Variants in MAP1B observed in about 807,000 individuals in gnomAD.
MAP1B encodes microtubule-associated protein 1B.
In MAP1B, 12 loss-of-function variants were observed where a neutral mutation model predicts 176.1. That is an observed-to-expected ratio of 0.07 (90% CI 0.04 to 0.11). The LOEUF is 0.11. Ranked by LOEUF, MAP1B falls within the 10% of genes least tolerant of loss-of-function variation. The pLI is 1.00. For synonymous variants in MAP1B, 1,044 were observed against 1,135.0 expected (o/e 0.92, Z 1.61); for missense variants, 2,523 against 2,990.5 (o/e 0.84, Z 3.65).
At position 72,200,416 on chromosome 5, in the gene MAP1B, T is replaced by TG. The variant is rs762165640; in HGVS notation, c.7012+50dup. ...GGATATATGTCACAACCATTCTACTTGCGTTTACAGCCTTTATATTTCCCT... is the reference window on the plus strand; with the variant it reads ...GGATATATGTCACAACCATTCTACTTGGCGTTTACAGCCTTTATATTTCCCT... On this transcript the variant is annotated intron_variant, in intron 5 of 6. Coordinates refer to ENST00000296755, the MANE Select transcript of MAP1B (RefSeq NM_005909.5). 8.2e-6 allele frequency: 13 copies of TG among 1,576,072 alleles called. No homozygotes were observed. In the African/African-American group the frequency reaches 1.8e-4, roughly 21 times the overall value.
chr5:72,183,392 T>C (rs114232159), intron 2 of MAP1B, among the ~76,000 whole-genome samples: 30 of 152,184 alleles, frequency 2.0e-4, no homozygotes, highest in African/African-American at 7.2e-4. Flanking sequence ...CCAATTACCA[T>C]GAGAAAGGAA....
intron 2 of MAP1B, among the ~76,000 whole-genome samples, chr5:72,140,865 T>G (rs1329720352): frequency 6.6e-6 from 1 of 152,200 alleles, no homozygotes; most frequent in African/African-American, 2.4e-5. Context: ...TTTTTCTTTT[T>G]TTGTCTGAAT....
intron 2 of MAP1B, among the ~76,000 whole-genome samples, chr5:72,146,841 T>C (rs536620142): frequency 1.9e-4 from 29 of 152,278 alleles, no homozygotes; most frequent in African/African-American, 5.8e-4. Context: ...TTTTGACACA[T>C]AGCATCAGCC....
chr5:72,185,127 G>A (rs1746866173), intron 3 of MAP1B, among the ~76,000 whole-genome samples: 1 of 152,212 alleles, frequency 6.6e-6, no homozygotes, highest in Non-Finnish European at 1.5e-5. Context: ...CGTAGCATGT[G>A]TCAGTACTGC....
chr5:72,158,430 G>C (rs1473954949), intron 2 of MAP1B, among the ~76,000 whole-genome samples: 9 of 152,162 alleles, frequency 5.9e-5, no homozygotes, highest in Admixed American at 4.6e-4. Flanking sequence ...AACGATTTAG[G>C]TGATTAAAGC....
rs1190457766 is a variant in MAP1B at position 72,209,350 on chromosome 5, G to T, written c.*4111G>T. 2 of 152,164 alleles carry T rather than the reference G, an allele frequency of 1.3e-5. No individual in the cohort carries two copies. Among genetic ancestry groups the T allele is most frequent in the African/African-American group, 4.8e-5 (2 of 41,414 alleles). The allele number at this position is 152,164 out of a possible 1,614,324, so 9.4% of individuals were successfully genotyped here. ...CTCTCTCTTGTTCTGAATGGTGTTT[G>T]TGTCAGTCTGCAGCTGTGTATGGTA... is the stretch of plus-strand genomic sequence containing the variant. On this transcript the variant is annotated 3_prime_UTR_variant, in exon 7 of 7. Transcript: ENST00000296755.
In MAP1B at chr5:72,195,131, G is replaced by C; in HGVS notation, c.1776G>C (p.Lys592Asn). 6.2e-7 allele frequency: 1 copy of C among 1,613,736 alleles called. No individual in the cohort carries two copies. Among genetic ancestry groups the C allele is most frequent in the Non-Finnish European group, 8.5e-7 (1 of 1,179,794 alleles). The change falls in exon 5 of 7, where the codon AAG (lysine) becomes AAC (asparagine). Residue 592 changes from lysine to asparagine, a missense_variant. Coordinates refer to ENST00000296755, the MANE Select transcript of MAP1B (RefSeq NM_005909.5). ...SKEKVMVKKD[K>N]PIKTETKPSV... ...AAAAGGTAATGGTGAAAAAAGACAAGCCAATAAAAACAGAGACCAAACCTT... is the reference window on the plus strand; with the variant it reads ...AAAAGGTAATGGTGAAAAAAGACAACCCAATAAAAACAGAGACCAAACCTT...
intron 1 of MAP1B, among the ~76,000 whole-genome samples, chr5:72,108,716 G>A (rs1745208328): frequency 6.6e-6 from 1 of 152,092 alleles, no homozygotes. Context: ...CGTCGGGCAC[G>A]GCTGGCTGGG....
In MAP1B at chr5:72,207,032, A is replaced by T. The variant is rs1405064806; in HGVS notation, c.*1793A>T. Reference sequence around the variant, plus strand: ...TTGGGATTTTCTTTTCTGGAAAAAAAAAATAAAAGAAATAGTACATTGAAA... The same window carrying T: ...TTGGGATTTTCTTTTCTGGAAAAAATAAATAAAAGAAATAGTACATTGAAA... On this transcript the variant is annotated 3_prime_UTR_variant, in exon 7 of 7. Coordinates refer to ENST00000296755, the MANE Select transcript of MAP1B (RefSeq NM_005909.5). The T allele has an allele frequency of 6.6e-6, 1 of 152,220 alleles. No individual in the cohort carries two copies. The highest frequency in any genetic ancestry group is 2.4e-5 in the African/African-American group (1 of 41,464). The allele number at this position is 152,220 out of a possible 1,614,324, so 9.4% of individuals were successfully genotyped here. A position where few individuals can be genotyped will look rare whatever the true frequency, so the allele number is the denominator to read the frequency against.
chr5:72,112,613 G>T lies in MAP1B; in HGVS notation c.185-3085G>T, dbSNP rs1421143179. ...TGGGGTCAGAGAACTGAGAAGGAAA[G>T]ATCTTTTGTTGCTCCCTGGTCCCAA... On this transcript the variant is annotated intron_variant, in intron 1 of 6. Transcript: ENST00000296755. Among the ~76,000 whole-genome samples, 3 of 152,214 alleles carry T rather than the reference G, an allele frequency of 2.0e-5. No individual in the cohort carries two copies. The East Asian group carries it at 5.8e-4, about 29-fold the overall frequency.
intron 2 of MAP1B, among the ~76,000 whole-genome samples, chr5:72,155,766 C>CTTTTTTTTTTTTTT (rs11330287): frequency 7.9e-6 from 1 of 126,570 alleles, no homozygotes; most frequent in Admixed American, 8.4e-5. Context: ...ATTTTCTTTT[C>CTTTTTTTTTTTTTT]TTTTTTTTTT....
chr5:72,181,153 T>G (rs1746755457), intron 2 of MAP1B, among the ~76,000 whole-genome samples: 1 of 152,234 alleles, frequency 6.6e-6, no homozygotes, highest in Admixed American at 6.5e-5. Flanking sequence ...ATCATTGTTC[T>G]GTTTAGGCTT....
intron 2 of MAP1B, among the ~76,000 whole-genome samples, chr5:72,160,757 C>G (rs1364123561): frequency 6.6e-6 from 1 of 152,200 alleles, no homozygotes; most frequent in African/African-American, 2.4e-5. Context: ...CTCCCACCCT[C>G]TCCACCTCAG....
rs767578125 is a variant in MAP1B, at chr5:72,198,766, C to T, written c.5411C>T (p.Thr1804Ile). The T allele has an allele frequency of 1.2e-6, 2 of 1,614,038 alleles. No homozygotes were observed. The highest frequency in any genetic ancestry group is 1.7e-5 in the Admixed American group (1 of 60,002). ...PLYSPTFSDS[T>I]SAVKEKTATC... ...TATTCACCTACTTTTTCAGATTCTA[C>T]CTCTGCAGTCAAAGAGAAAACAGCA... The change falls in exon 5 of 7, where the codon ACC (threonine) becomes ATC (isoleucine). Residue 1804 changes from threonine to isoleucine, a missense_variant. This residue lies in a region of MAP1B where 1,925 missense variants were observed against 2,126.0 expected (regional missense o/e 0.91). Transcript: ENST00000296755.
chr5:72,177,884 G>A (rs1290147643), intron 2 of MAP1B, among the ~76,000 whole-genome samples: 1 of 152,178 alleles, frequency 6.6e-6, no homozygotes, highest in East Asian at 1.9e-4. Context: ...AAGAGGTTGA[G>A]TTGAATAACT....
chr5:72,182,038 T>TTTG (rs1416380879), intron 2 of MAP1B, among the ~76,000 whole-genome samples: 1 of 148,502 alleles, frequency 6.7e-6, no homozygotes, highest in Non-Finnish European at 1.5e-5. Context: ...TTTTTTTTTT[T>TTTG]TTTTTTGGAG....
At chr5:72,122,064 C>T (rs1435699784) in intron 2 of MAP1B, among the ~76,000 whole-genome samples, 4 of 152,160 alleles carry the variant, frequency 2.6e-5, no homozygotes, top group Non-Finnish European at 5.9e-5. Flanking sequence ...TAGGAGAAAT[C>T]GTGGTATGTT....
intron 5 of MAP1B, among the ~76,000 whole-genome samples, chr5:72,201,390 A>T (rs1354871349): frequency 1.3e-5 from 2 of 152,204 alleles, no homozygotes; most frequent in Non-Finnish European, 2.9e-5. Flanking sequence ...AAAATAAATA[A>T]ATAAGCAAAT....
chr5:72,134,035 A>G (rs1257038283), intron 2 of MAP1B, among the ~76,000 whole-genome samples: 1 of 152,222 alleles, frequency 6.6e-6, no homozygotes, highest in African/African-American at 2.4e-5. Flanking sequence ...TGTCACATGC[A>G]TTCTTATTGT....
Sources: gnomAD v4.1 joint callset for allele counts (sites outside exome capture counted in the v4.1 genomes callset) on GRCh38, gnomAD v4.1.1 for gene constraint, gnomAD v4.1.1 regional missense constraint, MANE v1.5 for transcripts, NCBI Gene and HGNC (gene_info 2026-07-23, HGNC 2026-07-21) for gene names.